The following PCDHA6 variants were observed in gnomAD, a reference collection of about 807,000 sequenced individuals.
The protein encoded by PCDHA6 is protocadherin alpha 6.
A neutral mutation model predicts 60.3 loss-of-function variants in PCDHA6; 55 were observed. The observed-to-expected ratio is 0.91, with a 90% CI of 0.73 to 1.14. The LOEUF is 1.14. PCDHA6 is among the 50% of genes most tolerant of loss of function. The probability of loss-of-function intolerance (pLI) is 0.00; values close to 1 mark genes in which losing one functional copy is unlikely to be tolerated. For synonymous variants in PCDHA6, 652 were observed against 557.9 expected (o/e 1.17, Z -2.38); for missense variants, 1,327 against 1,256.5 (o/e 1.06, Z -0.85).
chr5:140,859,289 ATACTT>A (rs1272125290), intron 1 of PCDHA6: 2 of 129,084 alleles, frequency 1.5e-5, no homozygotes, highest in African/African-American at 5.5e-5. Context: ...GAGACTGAAA[ATACTT>A]TAGTATGAAT....
chr5:140,840,432 C>T (rs1458512943), intron 1 of PCDHA6, among the ~76,000 whole-genome samples: 2 of 151,722 alleles, frequency 1.3e-5, no homozygotes, highest in Non-Finnish European at 2.9e-5. Flanking sequence ...TAGTTTAAAG[C>T]CGTGGAAATA....
rs2150454845 is a variant in PCDHA6 at position 140,849,865 on chromosome 5, A to C, written c.2394+19380A>C. On this transcript the variant is annotated intron_variant, in intron 1 of 3. Transcript: ENST00000529310. ...AACGACAACGCACCAGCGTTCGCGC[A>C]GTCCGAGTACACGGTGTTCGTGAAG... 1.4e-5 allele frequency: 23 copies of C among 1,598,572 alleles called. 3 individuals carry two copies. The highest frequency in any genetic ancestry group is 1.8e-5 in the Non-Finnish European group (21 of 1,167,972).
intron 1 of PCDHA6, among the ~76,000 whole-genome samples, chr5:140,962,851 C>T (rs2095713637): frequency 1.3e-5 from 2 of 152,114 alleles, no homozygotes; most frequent in South Asian, 4.1e-4. Flanking sequence ...ATAACTTGTG[C>T]TCGGTTTGTA....
At chr5:140,830,509 A>C (rs1039294822) in intron 1 of PCDHA6, 24 bp downstream of exon 1, 3 of 1,410,936 alleles carry the variant, frequency 2.1e-6, no homozygotes, top group Non-Finnish European at 2.8e-6. Context: ...CATAATTAAC[A>C]GTTAATTTTT....
intron 3 of PCDHA6, among the ~76,000 whole-genome samples, chr5:141,007,395 C>CAAAAAAAAAAAAAAA (rs35800918): frequency 2.1e-5 from 2 of 94,866 alleles, no homozygotes; most frequent in Non-Finnish European, 2.1e-5. Context: ...TACTAAAATA[C>CAAAAAAAAAAAAAAA]AAAAAAAAAA....
In PCDHA6 at chr5:140,946,631, T is replaced by TATATATATATATATATATATAC. The variant is rs57893927; in HGVS notation, c.2395-32317_2395-32316insTATATATATATATATATATACA. 3.0e-3 allele frequency among the ~76,000 whole-genome samples: 389 copies of TATATATATATATATATATATAC among 131,774 alleles called. 27 individuals are homozygous for TATATATATATATATATATATAC. The highest frequency in any genetic ancestry group is 0.013 in the African/African-American group (369 of 28,648). 86.4% of individuals were successfully genotyped at this position (131,774 alleles called of 152,430 possible). A position where few individuals can be genotyped will look rare whatever the true frequency, so the allele number is the denominator to read the frequency against. ...TGTGAAATATATATATATATATATA[T>TATATATATATATATATATATAC]ACAATGGAATACTCATCAGCCATTA... On this transcript the variant is annotated intron_variant, in intron 1 of 3. Coordinates refer to ENST00000529310, the MANE Select transcript of PCDHA6 (RefSeq NM_018909.4).
chr5:140,911,894 A>G (rs1352900427), intron 1 of PCDHA6, among the ~76,000 whole-genome samples: 2 of 152,184 alleles, frequency 1.3e-5, no homozygotes, highest in Non-Finnish European at 2.9e-5. Context: ...CAAAATCTGT[A>G]TTAGTCAGAG....
Position 140,849,822 on chromosome 5 carries a change from G to T in PCDHA6, c.2394+19337G>T, listed in dbSNP as rs2150452005. 3.8e-6 allele frequency: 6 copies of T among 1,598,508 alleles called. 1 individual carries two copies. The African/African-American group carries it at 8.1e-5, about 21-fold the overall frequency. ...ACTGTGGGCCACGGCCAGGGTGTCT[G>T]TGGAGGTGGCCGACGTGAACGACAA... On this transcript the variant is annotated intron_variant, in intron 1 of 3. Coordinates refer to ENST00000529310, the MANE Select transcript of PCDHA6 (RefSeq NM_018909.4).
chr5:140,945,409 T>C (rs945280530), intron 1 of PCDHA6, among the ~76,000 whole-genome samples: 4 of 152,116 alleles, frequency 2.6e-5, no homozygotes, highest in African/African-American at 9.7e-5. Flanking sequence ...ACAATTCGTA[T>C]CAAAATTTCA....
intron 1 of PCDHA6, chr5:140,877,641 C>A: frequency 6.2e-7 from 1 of 1,613,592 alleles, no homozygotes; most frequent in Non-Finnish European, 8.5e-7. Flanking sequence ...CGCTGCGTTG[C>A]TCAGCGCCGC....
At chr5:140,906,757 A>G (rs554698266) in intron 1 of PCDHA6, among the ~76,000 whole-genome samples, 2 of 152,346 alleles carry the variant, frequency 1.3e-5, no homozygotes, top group South Asian at 4.1e-4. Flanking sequence ...GCATGGTAAT[A>G]CTAAGAGACA....
chr5:140,982,882 C>A (rs1554244920), intron 3 of PCDHA6, among the ~76,000 whole-genome samples: 1 of 151,972 alleles, frequency 6.6e-6, no homozygotes, highest in African/African-American at 2.4e-5. Flanking sequence ...CCAAGCCATG[C>A]AGAGAAGATC....
chr5:140,882,382 A>G (rs782774831), intron 1 of PCDHA6: 5 of 1,614,092 alleles, frequency 3.1e-6, no homozygotes, highest in Non-Finnish European at 4.2e-6. Context: ...TCCCCGAGGA[A>G]GCAAAACACG....
intron 3 of PCDHA6, among the ~76,000 whole-genome samples, chr5:140,987,213 CA>C (rs58319157): frequency 0.029 from 3,412 of 118,662 alleles, 64 homozygotes; most frequent in African/African-American, 0.058. Flanking sequence ...GACTCCATCT[CA>C]AAAAAAAAAA....
chr5:140,852,296 G>C, intron 1 of PCDHA6: 1 of 460,598 alleles, frequency 2.2e-6, no homozygotes, highest in South Asian at 9.2e-5. Flanking sequence ...TTATTTTTCT[G>C]AGACGGAGTC....
intron 1 of PCDHA6, chr5:140,834,460 C>G (rs202125503): frequency 6.3e-6 from 10 of 1,589,954 alleles, no homozygotes; most frequent in Non-Finnish European, 8.6e-6. Flanking sequence ...GCTTGGGAGG[C>G]AGGGAGAGGC....
intron 1 of PCDHA6, chr5:140,930,401 T>G (rs1554207785): frequency 6.6e-6 from 1 of 152,210 alleles, no homozygotes; most frequent in African/African-American, 2.4e-5. Context: ...TTCTTTTTTT[T>G]TTTTGAGACA....
intron 1 of PCDHA6, among the ~76,000 whole-genome samples, chr5:140,964,657 G>A (rs2067599): frequency 0.18 from 27,796 of 151,812 alleles, 2,893 homozygotes; most frequent in African/African-American, 0.28. Context: ...TAATGGGTGA[G>A]GACACAGGCC....
intron 1 of PCDHA6, among the ~76,000 whole-genome samples, chr5:140,873,716 A>G (rs1476838319): frequency 6.6e-6 from 1 of 152,184 alleles, no homozygotes; most frequent in Non-Finnish European, 1.5e-5. Context: ...GCTGGTGTGC[A>G]GTGGCGCAAT....
Sources: gnomAD v4.1 joint callset for allele counts (sites outside exome capture counted in the v4.1 genomes callset) on GRCh38, gnomAD v4.1.1 for gene constraint, MANE v1.5 for transcripts, NCBI Gene and HGNC (gene_info 2026-07-23, HGNC 2026-07-21) for gene names.